LRPPRC: variants seen among roughly 807,000 people sequenced by gnomAD.
LRPPRC encodes the protein leucine-rich PPR motif-containing protein, mitochondrial.
Under a neutral mutation model 180.3 loss-of-function variants are expected in LRPPRC, and 120 were observed. That is an observed-to-expected ratio of 0.67 (90% confidence interval 0.57 to 0.77). The LOEUF (loss-of-function observed/expected upper bound fraction) is 0.77, where lower values mean the gene tolerates loss of function less well. Among genes scored for constraint, LRPPRC ranks in the 30% least tolerant of loss-of-function variants. The probability of loss-of-function intolerance (pLI) is 0.00; values close to 1 mark genes in which losing one functional copy is unlikely to be tolerated. For missense variants in LRPPRC, 2,012 were observed against 1,657.2 expected (o/e 1.21, Z -3.72); for synonymous variants, 723 against 600.0 (o/e 1.21, Z -3.00).
intron 11 of LRPPRC, among the ~76,000 whole-genome samples, chr2:43,969,023 T>C (rs1469078596): frequency 3.9e-5 from 6 of 152,204 alleles, no homozygotes; most frequent in South Asian, 2.1e-4. Flanking sequence ...ATATAGTTTG[T>C]GTCAATTTTT....
chr2:43,966,280 C>T (rs1673553956), intron 11 of LRPPRC, among the ~76,000 whole-genome samples: 1 of 151,644 alleles, frequency 6.6e-6, no homozygotes, highest in African/African-American at 2.4e-5. Flanking sequence ...TGTTATGGGA[C>T]TGGGGTGTGA....
rs565053256 is a variant in LRPPRC at position 43,980,568 on chromosome 2, A to G, written c.347-620T>C. 8.7e-3 allele frequency among the ~76,000 whole-genome samples: 750 copies of G among 86,402 alleles called. 7 individuals are homozygous for G. The highest frequency in any genetic ancestry group is 0.038 in the African/African-American group (652 of 16,978). 56.7% of individuals were successfully genotyped at this position (86,402 alleles called of 152,430 possible). ...GACTCTGTTTCAAAAAAAAAAAAAA[A>G]AAGAAGAAAGAAAGAAAGAGAGAGA... On this transcript the variant is annotated intron_variant, in intron 2 of 37. Transcript: ENST00000260665.
intron 17 of LRPPRC, 81 bp downstream of exon 17, chr2:43,948,331 G>T: frequency 1.0e-6 from 1 of 962,832 alleles, no homozygotes; most frequent in Non-Finnish European, 1.7e-6. Context: ...TGGTCTGGTT[G>T]TACTTAAAAG....
chr2:43,977,933 C>T (rs1399610334), intron 3 of LRPPRC, among the ~76,000 whole-genome samples: 1 of 152,134 alleles, frequency 6.6e-6, no homozygotes, highest in East Asian at 1.9e-4. Context: ...TTAAATTTCA[C>T]ATCTTTATTC....
intron 14 of LRPPRC, 28 bp downstream of exon 14, chr2:43,957,357 C>A (rs1230697626): frequency 6.5e-7 from 1 of 1,529,596 alleles, no homozygotes; most frequent in South Asian, 1.1e-5. Flanking sequence ...CATGTTCAGG[C>A]AAGGAACATT....
chr2:43,941,941 A>G (rs956967340), intron 23 of LRPPRC, among the ~76,000 whole-genome samples: 6 of 152,144 alleles, frequency 3.9e-5, no homozygotes, highest in Non-Finnish European at 5.9e-5. Flanking sequence ...AATAATGAAA[A>G]GACACTAATT....
At chr2:43,964,216 T>C (rs1015643567) in intron 11 of LRPPRC, among the ~76,000 whole-genome samples, 1 of 152,138 alleles carries the variant, frequency 6.6e-6, no homozygotes, top group Non-Finnish European at 1.5e-5. Context: ...TAATGAATTA[T>C]TGTCTAATTG....
At position 43,918,357 on chromosome 2, in the gene LRPPRC, T is replaced by C; in HGVS notation, c.2938A>G (p.Lys980Glu). 6.2e-7 allele frequency: 1 copy of C among 1,611,164 alleles called. No homozygotes were observed. The highest frequency in any genetic ancestry group is 8.5e-7 in the Non-Finnish European group (1 of 1,177,312). Residue 980 changes from lysine (K) to glutamate (E), a missense_variant, in exon 28 of 38, where the codon AAA (lysine) becomes GAA (glutamate). Transcript: ENST00000260665. ...DWQRADAVWN[K>E]IQEENVIPRE... Reference sequence around the variant, plus strand: ...GGAATAACATTTTCTTCTTGGATTTTATTCCAGACTGCATCAGCTCTTTGC... The same window carrying C: ...GGAATAACATTTTCTTCTTGGATTTCATTCCAGACTGCATCAGCTCTTTGC...
chr2:43,946,254 G>C lies in LRPPRC; in HGVS notation c.2080-11C>G. 1 of 1,604,996 alleles carries C rather than the reference G, an allele frequency of 6.2e-7. No homozygotes were observed. The highest frequency in any genetic ancestry group is 1.3e-5 in the African/African-American group (1 of 74,784). ...GGCTTTTTGCATATTCTAAAATACA[G>C]CATAGATGTGAAAAAGAAGAAATCA... On this transcript the variant is annotated splice_polypyrimidine_tract_variant and intron_variant, in intron 20 of 37. Transcript: ENST00000260665.
At chr2:43,950,903 C>G (rs948392487) in intron 14 of LRPPRC, among the ~76,000 whole-genome samples, 1 of 152,146 alleles carries the variant, frequency 6.6e-6, no homozygotes, top group Admixed American at 6.5e-5. Flanking sequence ...AATCCCGTCT[C>G]CACTAGAAGT....
chr2:43,979,644 T>C (rs1674215879), intron 3 of LRPPRC, among the ~76,000 whole-genome samples, 182 bp downstream of exon 3: 1 of 152,172 alleles, frequency 6.6e-6, no homozygotes, highest in African/African-American at 2.4e-5. Context: ...TTATGAAAAA[T>C]TATTTATTGT....
chr2:43,993,737 A>AG (rs1674891359), intron 1 of LRPPRC, among the ~76,000 whole-genome samples: 2 of 94,396 alleles, frequency 2.1e-5, no homozygotes, highest in Middle Eastern at 5.4e-3. Flanking sequence ...CTTCTACTAA[A>AG]GAAAAAAAAA....
chr2:43,930,647 T>C (rs1287643665), intron 25 of LRPPRC, among the ~76,000 whole-genome samples: 5 of 152,178 alleles, frequency 3.3e-5, no homozygotes, highest in Non-Finnish European at 7.3e-5. Flanking sequence ...CATCTTTACC[T>C]ACTTTGGTTT....
At chr2:43,945,589 T>G (rs1672652414) in intron 21 of LRPPRC, among the ~76,000 whole-genome samples, 172 bp from the exon 22 acceptor site, 1 of 152,078 alleles carries the variant, frequency 6.6e-6, no homozygotes, top group African/African-American at 2.4e-5. Context: ...CACACGAAAT[T>G]ATATTCAAAG....
chr2:43,992,942 A>C (rs748356389), intron 1 of LRPPRC, among the ~76,000 whole-genome samples: 1 of 152,204 alleles, frequency 6.6e-6, no homozygotes, highest in Non-Finnish European at 1.5e-5. Context: ...AAAAGGTCAC[A>C]AAAGAGAATG....
intron 30 of LRPPRC, among the ~76,000 whole-genome samples, chr2:43,911,981 C>T (rs1014149611): frequency 5.9e-5 from 9 of 151,964 alleles, no homozygotes; most frequent in African/African-American, 1.2e-4. Flanking sequence ...ACTCATCATA[C>T]GGAAGAAGAA....
intron 21 of LRPPRC, among the ~76,000 whole-genome samples, 180 bp downstream of exon 21, chr2:43,945,933 G>C (rs563696669): frequency 1.5e-4 from 22 of 143,462 alleles, no homozygotes; most frequent in Admixed American, 3.6e-4. Context: ...AAGACACCTT[G>C]CTGAACATAA....
At chr2:43,959,672 A>G (rs915345494) in intron 13 of LRPPRC, among the ~76,000 whole-genome samples, 4 of 152,158 alleles carry the variant, frequency 2.6e-5, no homozygotes, top group Non-Finnish European at 5.9e-5. Flanking sequence ...TGGGAGGCTG[A>G]GGCAGGCGGA....
rs1674045376 is a variant in LRPPRC at position 43,976,170 on chromosome 2, G to A, written c.710C>T (p.Ala237Val). ...DLPVTEAVFS[A>V]LVTGHARAGD... Reference sequence around the variant, plus strand: ...AGCTCTGGCATGCCCTGTCACAAGGGCACTGAATACTGCCTCTGTAACTGG... The same window carrying A: ...AGCTCTGGCATGCCCTGTCACAAGGACACTGAATACTGCCTCTGTAACTGG... The change falls in exon 6 of 38, where the codon GCC becomes GTC. Residue 237 changes from alanine to valine, a missense_variant. Ala to Val is a moderately conservative substitution (Grantham distance 64). Transcript: ENST00000260665. 2 of 1,611,654 alleles carry A rather than the reference G, an allele frequency of 1.2e-6. No individual in the cohort carries two copies. The highest frequency in any genetic ancestry group is 1.1e-5 in the South Asian group (1 of 91,018).
Sources: gnomAD v4.1 joint callset for allele counts (sites outside exome capture counted in the v4.1 genomes callset) on GRCh38, gnomAD v4.1.1 for gene constraint, MANE v1.5 for transcripts, NCBI Gene and HGNC (gene_info 2026-07-23, HGNC 2026-07-21) for gene names.